METAP1D: variants seen among roughly 807,000 people sequenced by gnomAD.
METAP1D encodes the protein methionine aminopeptidase 1D, mitochondrial.
In METAP1D, 31 loss-of-function variants were observed where a neutral mutation model predicts 40.5. The observed-to-expected ratio is 0.77, with a 90% CI of 0.58 to 1.03. The LOEUF (loss-of-function observed/expected upper bound fraction) is 1.03. METAP1D is among the 50% of genes least tolerant of loss of function. The pLI is 0.00. For missense variants in METAP1D, 411 were observed against 420.7 expected (o/e 0.98, Z 0.20); for synonymous variants, 151 against 146.4 (o/e 1.03, Z -0.22).
chr2:172,009,275 C>A (rs1317221039), intron 1 of METAP1D, among the ~76,000 whole-genome samples: 1 of 151,848 alleles, frequency 6.6e-6, no homozygotes, highest in Non-Finnish European at 1.5e-5. Flanking sequence ...GATTTCCTGA[C>A]CTCGTGGTCC....
chr2:172,048,890 A>G (rs191966845), intron 1 of METAP1D, among the ~76,000 whole-genome samples: 9 of 152,352 alleles, frequency 5.9e-5, no homozygotes, highest in African/African-American at 1.7e-4. Context: ...GTGTTTTCAG[A>G]TATGAGAAGC....
intron 1 of METAP1D, among the ~76,000 whole-genome samples, chr2:172,060,987 T>C (rs911387954): frequency 6.6e-6 from 1 of 152,252 alleles, no homozygotes; most frequent in African/African-American, 2.4e-5. Flanking sequence ...AGTCTTTATC[T>C]GACTTGAACA....
intron 1 of METAP1D, among the ~76,000 whole-genome samples, chr2:172,037,753 G>A (rs1689429552): frequency 6.6e-6 from 1 of 152,184 alleles, no homozygotes; most frequent in African/African-American, 2.4e-5. Context: ...CCGTTGGTGA[G>A]TTCTGGTTAG....
intron 6 of METAP1D, among the ~76,000 whole-genome samples, chr2:172,077,413 T>C (rs904847471): frequency 6.6e-6 from 1 of 152,236 alleles, no homozygotes; most frequent in South Asian, 2.1e-4. Flanking sequence ...TTGTGAAACC[T>C]CAAAAAAGCC....
At chr2:172,058,482 T>C (rs1306056578) in intron 1 of METAP1D, among the ~76,000 whole-genome samples, 1 of 152,214 alleles carries the variant, frequency 6.6e-6, no homozygotes, top group Non-Finnish European at 1.5e-5. Context: ...GTTGGTGATA[T>C]TGTCATTAGG....
intron 6 of METAP1D, among the ~76,000 whole-genome samples, chr2:172,075,642 T>C (rs1690522924): frequency 6.6e-6 from 1 of 152,210 alleles, no homozygotes; most frequent in African/African-American, 2.4e-5. Flanking sequence ...TGCTCCCCAT[T>C]TATTCCAAAA....
Position 172,076,171 on chromosome 2 carries a change from G to A in METAP1D, c.705-1626G>A, listed in dbSNP as rs146348607. Among the ~76,000 whole-genome samples the A allele has an allele frequency of 2.6e-3, 397 of 150,434 alleles. 2 individuals carry two copies. The highest frequency in any genetic ancestry group is 8.6e-3 in the African/African-American group (351 of 40,934). ...TAGCCGTGATGCCTGCCAATCAGCC[G>A]GATCCTCTAAAAACAAAAAAAAAAG... On this transcript the variant is annotated intron_variant, in intron 6 of 9. Transcript: ENST00000315796.
chr2:172,070,768 T>C (rs779968410), intron 5 of METAP1D, 139 bp from the exon 6 acceptor site: 1 of 655,126 alleles, frequency 1.5e-6, no homozygotes, highest in Non-Finnish European at 2.3e-6. Flanking sequence ...TATCTATTTC[T>C]TCTTTTTTTG....
At chr2:172,036,616 C>T (rs1689394699) in intron 1 of METAP1D, among the ~76,000 whole-genome samples, 2 of 151,760 alleles carry the variant, frequency 1.3e-5, no homozygotes, top group African/African-American at 2.4e-5. Flanking sequence ...CCGCCTGTCT[C>T]GGCCTCCCAA....
At chr2:172,077,978 G>T in intron 7 of METAP1D, 84 bp downstream of exon 7, 1 of 570,554 alleles carries the variant, frequency 1.8e-6, no homozygotes, top group Non-Finnish European at 3.2e-6. Context: ...CTCTGACTTT[G>T]AATCTGCATT....
At chr2:172,014,560 T>G (rs1688808512) in intron 1 of METAP1D, among the ~76,000 whole-genome samples, 1 of 152,264 alleles carries the variant, frequency 6.6e-6, no homozygotes, top group Non-Finnish European at 1.5e-5. Flanking sequence ...ATGTGGCCTG[T>G]TCTGACCAAG....
intron 1 of METAP1D, among the ~76,000 whole-genome samples, chr2:172,057,382 C>G (rs1690026523): frequency 6.6e-6 from 1 of 152,086 alleles, no homozygotes; most frequent in African/African-American, 2.4e-5. Flanking sequence ...GTATGTGGTC[C>G]TGCCTAGCAA....
chr2:172,078,806 A>C (rs557101976), intron 7 of METAP1D, among the ~76,000 whole-genome samples: 1 of 152,284 alleles, frequency 6.6e-6, no homozygotes, highest in South Asian at 2.1e-4. Flanking sequence ...CCTGCACCAA[A>C]GGAGGCTTCC....
chr2:172,023,124 G>A (rs1053367627), intron 1 of METAP1D, among the ~76,000 whole-genome samples: 1 of 152,144 alleles, frequency 6.6e-6, no homozygotes, highest in Non-Finnish European at 1.5e-5. Flanking sequence ...GGAGGCGGAG[G>A]TTGCAGTGAG....
chr2:172,070,880 T>C, intron 5 of METAP1D, 27 bp from the exon 6 acceptor site: 1 of 1,560,042 alleles, frequency 6.4e-7, no homozygotes, highest in East Asian at 2.3e-5. Context: ...AACAAGGACA[T>C]ATTTTTAAAT....
chr2:172,068,527 T>A (rs1690345951), intron 5 of METAP1D, among the ~76,000 whole-genome samples: 1 of 151,990 alleles, frequency 6.6e-6, no homozygotes, highest in Non-Finnish European at 1.5e-5. Context: ...AGTCTTTTTT[T>A]TTTTCAGACG....
intron 1 of METAP1D, among the ~76,000 whole-genome samples, chr2:172,050,311 A>G (rs1689860250): frequency 6.6e-6 from 1 of 152,168 alleles, no homozygotes; most frequent in Non-Finnish European, 1.5e-5. Flanking sequence ...AAGCCCTCAT[A>G]TCTTCTGTTA....
chr2:172,015,017 C>T (rs145068457), intron 1 of METAP1D, among the ~76,000 whole-genome samples: 1 of 152,270 alleles, frequency 6.6e-6, no homozygotes, highest in African/African-American at 2.4e-5. Context: ...AAAAGATATC[C>T]ATTTTGCAAA....
chr2:172,044,644 C>T (rs574480337), intron 1 of METAP1D, among the ~76,000 whole-genome samples: 2 of 134,568 alleles, frequency 1.5e-5, no homozygotes, highest in East Asian at 2.0e-4. Flanking sequence ...TGGTGGCTCA[C>T]GCCTATAATC....
Sources: gnomAD v4.1 joint callset for allele counts (sites outside exome capture counted in the v4.1 genomes callset) on GRCh38, gnomAD v4.1.1 for gene constraint, MANE v1.5 for transcripts, NCBI Gene and HGNC (gene_info 2026-07-23, HGNC 2026-07-21) for gene names.